Variants in AMBRA1 observed in about 807,000 individuals in gnomAD.
AMBRA1 encodes the protein activating molecule in BECN1-regulated autophagy protein 1.
In AMBRA1, 47 loss-of-function variants were observed where a neutral mutation model predicts 125.4. That is an observed-to-expected ratio of 0.37 (90% CI 0.30 to 0.48). The LOEUF is 0.48. Ranked by LOEUF, AMBRA1 falls within the 20% of genes least tolerant of loss-of-function variation. The pLI, the probability that AMBRA1 is intolerant of heterozygous loss-of-function variation, is 0.99. For synonymous variants in AMBRA1, 626 were observed against 655.5 expected, an observed-to-expected ratio of 0.95 and a Z score of 0.69; for missense variants, 1,331 against 1,693.4, an observed-to-expected ratio of 0.79 and a Z score of 3.76.
chr11:46,527,471 C>G (rs1158453567), intron 7 of AMBRA1, among the ~76,000 whole-genome samples: 7 of 62,526 alleles, frequency 1.1e-4, no homozygotes, highest in African/African-American at 4.2e-4. Flanking sequence ...CAAAGTGAGA[C>G]TGTCTCAAAA....
intron 13 of AMBRA1, among the ~76,000 whole-genome samples, chr11:46,434,478 T>C (rs1017295390): frequency 1.4e-5 from 2 of 142,176 alleles, no homozygotes; most frequent in Non-Finnish European, 1.5e-5. Context: ...GTGAACACCC[T>C]TGTATGTAAA....
At chr11:46,500,380 A>G (rs1368848632) in intron 9 of AMBRA1, among the ~76,000 whole-genome samples, 2 of 152,212 alleles carry the variant, frequency 1.3e-5, no homozygotes, top group Non-Finnish European at 2.9e-5. Flanking sequence ...GAAAACATCA[A>G]GCCCTCAGAC....
intron 1 of AMBRA1, among the ~76,000 whole-genome samples, chr11:46,584,866 G>C (rs2044310583): frequency 6.6e-6 from 1 of 152,168 alleles, no homozygotes; most frequent in Non-Finnish European, 1.5e-5. Context: ...GAGGTCAGGA[G>C]TTCAAGACCA....
intron 12 of AMBRA1, among the ~76,000 whole-genome samples, chr11:46,437,981 C>T (rs905825664): frequency 3.8e-4 from 58 of 152,198 alleles, no homozygotes; most frequent in East Asian, 3.9e-4. Flanking sequence ...AATGCTGGGA[C>T]GGGGCCTGAG....
chr11:46,515,069 A>G (rs1459065178), intron 7 of AMBRA1, among the ~76,000 whole-genome samples: 1 of 152,188 alleles, frequency 6.6e-6, no homozygotes, highest in Non-Finnish European at 1.5e-5. Flanking sequence ...GTTCCACCCT[A>G]AAGTGCTCTG....
At chr11:46,569,428 T>TAAAA (rs60592464) in intron 1 of AMBRA1, among the ~76,000 whole-genome samples, 32 of 127,044 alleles carry the variant, frequency 2.5e-4, no homozygotes, top group South Asian at 5.1e-4. Context: ...ACTGAGAGAT[T>TAAAA]AAAAAAAAAA....
chr11:46,439,700 G>A (rs187887056), intron 12 of AMBRA1, among the ~76,000 whole-genome samples: 118 of 152,230 alleles, frequency 7.8e-4, no homozygotes, highest in Middle Eastern at 3.4e-3. Flanking sequence ...GTCAAAACTC[G>A]AATGACAAGT....
intron 9 of AMBRA1, among the ~76,000 whole-genome samples, chr11:46,503,488 T>G (rs1161269221): frequency 1.3e-5 from 2 of 152,194 alleles, no homozygotes; most frequent in Non-Finnish European, 2.9e-5. Flanking sequence ...TCTGAAATAC[T>G]GCAAGAATTA....
intron 9 of AMBRA1, among the ~76,000 whole-genome samples, chr11:46,502,846 G>A (rs1227648157): frequency 2.6e-5 from 4 of 152,006 alleles, no homozygotes; most frequent in African/African-American, 9.7e-5. Context: ...AGATCACGAG[G>A]TCAGGAGTTC....
chr11:46,435,068 A>C lies in AMBRA1; in HGVS notation c.2633-31T>G, dbSNP rs192445083. 7.1e-6 allele frequency: 11 copies of C among 1,554,810 alleles called. No homozygotes were observed. The African/African-American group carries it at 1.2e-4, about 17-fold the overall frequency. On this transcript the variant is annotated intron_variant, in intron 12 of 17. Coordinates refer to ENST00000683756, the MANE Select transcript of AMBRA1 (RefSeq NM_001387011.1). ...TCAGACAAAGAAAGAAAAGAGGATA[A>C]GAAACTTTGGAGTTGATACTGTAAA... is the stretch of plus-strand genomic sequence containing the variant.
chr11:46,537,104 G>A (rs1459646806), intron 7 of AMBRA1, among the ~76,000 whole-genome samples: 1 of 152,076 alleles, frequency 6.6e-6, no homozygotes, highest in African/African-American at 2.4e-5. Context: ...GTAGTTCTAT[G>A]GGCAAATAAC....
At chr11:46,402,223 C>T (rs895958070) in intron 17 of AMBRA1, among the ~76,000 whole-genome samples, 3 of 152,152 alleles carry the variant, frequency 2.0e-5, no homozygotes, top group Non-Finnish European at 4.4e-5. Context: ...AAGTCTAACA[C>T]GTGGGTTTAC....
At chr11:46,507,798 A>G (rs1237016234) in intron 9 of AMBRA1, among the ~76,000 whole-genome samples, 2 of 152,208 alleles carry the variant, frequency 1.3e-5, no homozygotes, top group African/African-American at 2.4e-5. Flanking sequence ...ACATCTCCAC[A>G]GCTACTCTGC....
intron 11 of AMBRA1, among the ~76,000 whole-genome samples, chr11:46,444,205 A>C (rs899939037): frequency 3.3e-5 from 5 of 152,214 alleles, no homozygotes; most frequent in African/African-American, 1.2e-4. Context: ...GTAACACAAT[A>C]AAAATTTATG....
chr11:46,434,115 C>CAAAAAAAAAAA (rs145761376), intron 13 of AMBRA1, among the ~76,000 whole-genome samples: 6 of 53,540 alleles, frequency 1.1e-4, no homozygotes, highest in African/African-American at 2.6e-4. Context: ...AACTCCGTCT[C>CAAAAAAAAAAA]AAAAAAAAAA....
chr11:46,406,515 A>G (rs1946030137), intron 17 of AMBRA1, among the ~76,000 whole-genome samples: 4 of 151,904 alleles, frequency 2.6e-5, no homozygotes, highest in Admixed American at 2.0e-4. Context: ...CATCTCAAAA[A>G]CAAAACAAAA....
In AMBRA1 at chr11:46,550,209, TAG is replaced by T. The variant is rs1436422913; in HGVS notation, c.-120-1711_-120-1710del. ...CTGATTGTTTCCTCATAGTAGCATT[TAG>T]CTTGCCTCTCTATACCTTTATTTCC... On this transcript the variant is annotated intron_variant, in intron 1 of 17. Coordinates refer to ENST00000683756, the MANE Select transcript of AMBRA1 (RefSeq NM_001387011.1). Among the ~76,000 whole-genome samples, 8 of 152,366 alleles carry T rather than the reference TAG, an allele frequency of 5.3e-5. No individual in the cohort carries two copies. In the South Asian group the frequency reaches 8.3e-4, roughly 16 times the overall value.
chr11:46,418,303 TATATATTTTATTATTTATATATAA>T (rs1375014616), intron 14 of AMBRA1, among the ~76,000 whole-genome samples: 9 of 109,672 alleles, frequency 8.2e-5, no homozygotes, highest in Admixed American at 2.5e-4. Flanking sequence ...AAATATATAA[TATATATTTTATTATTTATATATAA>T]ATATGTATTT....
At chr11:46,523,042 C>T (rs574360013) in intron 7 of AMBRA1, among the ~76,000 whole-genome samples, 15 of 152,268 alleles carry the variant, frequency 9.9e-5, no homozygotes, top group African/African-American at 1.4e-4. Context: ...GGCAAGGAGG[C>T]CAATTTCCCA....
Sources: allele counts gnomAD v4.1 joint callset (sites outside exome capture counted in the v4.1 genomes callset), GRCh38; gene constraint gnomAD v4.1.1; transcripts MANE v1.5; gene names NCBI Gene and HGNC (gene_info 2026-07-23, HGNC 2026-07-21).